Variants in KHDRBS3 observed in about 807,000 individuals in gnomAD.
KHDRBS3 encodes the protein KH domain-containing, RNA-binding, signal transduction-associated protein 3.
Under a neutral mutation model 45.6 loss-of-function variants are expected in KHDRBS3, and 23 were observed. That is an observed-to-expected ratio of 0.50 (90% CI 0.36 to 0.72). The LOEUF (loss-of-function observed/expected upper bound fraction) is 0.72, where lower values mean the gene tolerates loss of function less well. Among genes scored for constraint, KHDRBS3 ranks in the 30% least tolerant of loss-of-function variants. KHDRBS3 has a pLI of 0.00. For missense variants in KHDRBS3, 352 were observed against 424.8 expected (o/e 0.83, Z 1.51); for synonymous variants, 162 against 156.5 (o/e 1.04, Z -0.26).
At chr8:135,482,179 T>C (rs1183909317) in intron 1 of KHDRBS3, among the ~76,000 whole-genome samples, 3 of 152,204 alleles carry the variant, frequency 2.0e-5, no homozygotes, top group Admixed American at 6.5e-5. Context: ...GCGAAGTTAA[T>C]AAAAGATGTC....
At chr8:135,545,721 C>T (rs1197648267) in intron 3 of KHDRBS3, among the ~76,000 whole-genome samples, 1 of 152,202 alleles carries the variant, frequency 6.6e-6, no homozygotes, top group Non-Finnish European at 1.5e-5. Flanking sequence ...CACCTGTACT[C>T]CTCTCCCCAT....
intron 7 of KHDRBS3, among the ~76,000 whole-genome samples, chr8:135,621,924 T>G: frequency 6.6e-6 from 1 of 151,710 alleles, no homozygotes; most frequent in Non-Finnish European, 1.5e-5. Context: ...TCAATGAAGG[T>G]GCTCCCCATG....
intron 1 of KHDRBS3, among the ~76,000 whole-genome samples, chr8:135,491,318 A>T (rs887263133): frequency 1.1e-4 from 16 of 152,008 alleles, no homozygotes; most frequent in African/African-American, 3.9e-4. Flanking sequence ...ATTTTTGTGT[A>T]TGTGGCACTT....
At chr8:135,582,277 TTAAATC>T (rs1309138635) in intron 6 of KHDRBS3, among the ~76,000 whole-genome samples, 20 of 152,316 alleles carry the variant, frequency 1.3e-4, no homozygotes, top group African/African-American at 4.8e-4. Flanking sequence ...ATCAAATAGT[TTAAATC>T]TAAGGTATGG....
intron 5 of KHDRBS3, among the ~76,000 whole-genome samples, chr8:135,563,201 G>A (rs547349183): frequency 1.2e-3 from 182 of 152,194 alleles, no homozygotes; most frequent in African/African-American, 4.2e-3. Flanking sequence ...TCCAGCACTT[G>A]GCACTCTCCT....
chr8:135,537,273 A>G (rs532079053), intron 2 of KHDRBS3, among the ~76,000 whole-genome samples: 7 of 152,146 alleles, frequency 4.6e-5, no homozygotes, highest in Non-Finnish European at 1.0e-4. Flanking sequence ...GGTCAGTAAG[A>G]TATCCCTTTA....
chr8:135,615,389 C>T (rs546746910), intron 7 of KHDRBS3, among the ~76,000 whole-genome samples: 5 of 152,078 alleles, frequency 3.3e-5, no homozygotes, highest in African/African-American at 1.2e-4. Flanking sequence ...ACACAACCAC[C>T]CTCTGATCTT....
chr8:135,555,196 C>G (rs566303870), intron 4 of KHDRBS3, among the ~76,000 whole-genome samples: 11 of 152,096 alleles, frequency 7.2e-5, no homozygotes, highest in Admixed American at 3.3e-4. Context: ...AATGTAATAT[C>G]TTCTTATCCT....
chr8:135,623,133 A>G (rs950904143), intron 7 of KHDRBS3, among the ~76,000 whole-genome samples: 1 of 152,254 alleles, frequency 6.6e-6, no homozygotes, highest in African/African-American at 2.4e-5. Context: ...AATTGTCATT[A>G]AAATTACTCG....
chr8:135,540,110 T>C (rs958134661), intron 2 of KHDRBS3: 32 of 152,346 alleles, frequency 2.1e-4, no homozygotes, highest in African/African-American at 6.3e-4. Flanking sequence ...TTTTGCTCCA[T>C]TTTTGAAACC....
chr8:135,579,102 T>C (rs906130140), intron 5 of KHDRBS3, among the ~76,000 whole-genome samples: 1 of 152,178 alleles, frequency 6.6e-6, no homozygotes, highest in South Asian at 2.1e-4. Flanking sequence ...GGGACTATTT[T>C]TGGGGATTTT....
chr8:135,575,307 G>C (rs1463791825), intron 5 of KHDRBS3, among the ~76,000 whole-genome samples: 3 of 152,160 alleles, frequency 2.0e-5, no homozygotes, highest in Non-Finnish European at 4.4e-5. Context: ...CTTAAAACCT[G>C]TACAGTGGTG....
At chr8:135,480,244 G>A (rs1458519186) in intron 1 of KHDRBS3, among the ~76,000 whole-genome samples, 3 of 152,136 alleles carry the variant, frequency 2.0e-5, no homozygotes, top group Non-Finnish European at 2.9e-5. Flanking sequence ...CAAAGATGTT[G>A]TCTTTACCAC....
intron 1 of KHDRBS3, among the ~76,000 whole-genome samples, chr8:135,484,669 CT>C (rs1411036545): frequency 1.3e-5 from 2 of 152,176 alleles, no homozygotes; most frequent in Non-Finnish European, 2.9e-5. Flanking sequence ...TGTGACTCCC[CT>C]TTCATGAATA....
chr8:135,478,890 C>T (rs1822429141), intron 1 of KHDRBS3, among the ~76,000 whole-genome samples: 1 of 152,106 alleles, frequency 6.6e-6, no homozygotes, highest in Admixed American at 6.5e-5. Context: ...CCTAACCTTC[C>T]ATCTTAAGAC....
At chr8:135,491,732 T>A (rs1032504813) in intron 1 of KHDRBS3, among the ~76,000 whole-genome samples, 3 of 152,130 alleles carry the variant, frequency 2.0e-5, no homozygotes, top group Non-Finnish European at 4.4e-5. Context: ...CAGGGGGTCT[T>A]CAAGGTCCAA....
intron 5 of KHDRBS3, among the ~76,000 whole-genome samples, chr8:135,575,141 A>G (rs530082221): frequency 2.0e-5 from 3 of 152,358 alleles, no homozygotes; most frequent in African/African-American, 7.2e-5. Context: ...AATAGTCATT[A>G]AAGGTTTACC....
downstream of KHDRBS3, among the ~76,000 whole-genome samples, chr8:135,652,022 T>C (rs893396381): frequency 2.6e-5 from 4 of 152,218 alleles, no homozygotes; most frequent in South Asian, 6.2e-4. Flanking sequence ...AGTCAAAAGT[T>C]AAATGAAAAT....
chr8:135,466,939 A>C (rs1347474367), intron 1 of KHDRBS3, among the ~76,000 whole-genome samples: 1 of 152,224 alleles, frequency 6.6e-6, no homozygotes, highest in African/African-American at 2.4e-5. Flanking sequence ...GGCAGGCAGG[A>C]TGCCACCTCA....
Sources: gnomAD v4.1 joint callset for allele counts (sites outside exome capture counted in the v4.1 genomes callset) on GRCh38, gnomAD v4.1.1 for gene constraint, MANE v1.5 for transcripts, NCBI Gene and HGNC (gene_info 2026-07-23, HGNC 2026-07-21) for gene names.